GIGYF2: variants seen among roughly 807,000 people sequenced by gnomAD.
GIGYF2 encodes the protein GRB10-interacting GYF protein 2.
A neutral mutation model predicts 208.1 loss-of-function variants in GIGYF2; 25 were observed. The observed-to-expected ratio is 0.12, with a 90% confidence interval of 0.09 to 0.17. The LOEUF is 0.17. Ranked by LOEUF, GIGYF2 falls within the 10% of genes least tolerant of loss-of-function variation. The probability of loss-of-function intolerance (pLI) is 1.00; values close to 1 mark genes in which losing one functional copy is unlikely to be tolerated. For synonymous variants in GIGYF2, 534 were observed against 543.8 expected, an observed-to-expected ratio of 0.98 and a Z score of 0.25; for missense variants, 1,302 against 1,579.4, an observed-to-expected ratio of 0.82 and a Z score of 2.98.
chr2:232,776,397 C>T, intron 8 of GIGYF2: 1 of 1,529,862 alleles, frequency 6.5e-7, no homozygotes. Flanking sequence ...AGTTTCTTTC[C>T]CTGTTTCCCA....
chr2:232,702,322 C>G (rs1019112230), intron 1 of GIGYF2, among the ~76,000 whole-genome samples: 6 of 151,974 alleles, frequency 3.9e-5, no homozygotes, highest in African/African-American at 1.5e-4. Flanking sequence ...ACTTGTAATC[C>G]TAGCTTCTCG....
At chr2:232,705,594 AG>A (rs2106246441) in intron 2 of GIGYF2, 1 of 151,890 alleles carries the variant, frequency 6.6e-6, no homozygotes, top group South Asian at 2.1e-4. Context: ...TAGTAGAGAC[AG>A]GGTTTCTCCA....
chr2:232,791,608 C>T (rs970320481), intron 12 of GIGYF2, among the ~76,000 whole-genome samples, 162 bp downstream of exon 12: 3 of 152,178 alleles, frequency 2.0e-5, no homozygotes, highest in Non-Finnish European at 2.9e-5. Context: ...GTGCTTCTCA[C>T]GTATGTGTCC....
chr2:232,770,877 T>C (rs1699217131), intron 8 of GIGYF2: 1 of 1,563,430 alleles, frequency 6.4e-7, no homozygotes, highest in Non-Finnish European at 8.8e-7. Context: ...TGTTTTTGTT[T>C]TTTTTAAGAA....
Position 232,851,354 on chromosome 2 carries a change from T to G in GIGYF2, c.3832+945T>G, listed in dbSNP as rs117818238. 5.5e-4 allele frequency among the ~76,000 whole-genome samples: 83 copies of G among 152,238 alleles called. 1 individual carries two copies. In the East Asian group the frequency reaches 0.015, roughly 28 times the overall value. ...TGGCAGAAAGGATGGGGAATATTGT[T>G]TCAGGAATAACAAACAGTATAGGCT... On this transcript the variant is annotated intron_variant, in intron 28 of 28. Coordinates refer to ENST00000373563, the MANE Select transcript of GIGYF2 (RefSeq NM_001103146.3).
chr2:232,781,352 T>TCCCA (rs1699718318), intron 8 of GIGYF2, among the ~76,000 whole-genome samples: 1 of 106,684 alleles, frequency 9.4e-6, no homozygotes, highest in Non-Finnish European at 1.9e-5. Context: ...TCCTTGGCAC[T>TCCCA]CCCACCCACC....
At chr2:232,724,433 T>C (rs1350976428) in intron 2 of GIGYF2, 3 of 152,190 alleles carry the variant, frequency 2.0e-5, no homozygotes, top group Admixed American at 6.5e-5. Flanking sequence ...CCTCACTCCA[T>C]TGAAATCTGG....
chr2:232,790,257 A>G (rs1348657278), intron 9 of GIGYF2, among the ~76,000 whole-genome samples: 1 of 152,146 alleles, frequency 6.6e-6, no homozygotes, highest in Non-Finnish European at 1.5e-5. Flanking sequence ...TCCACAAACA[A>G]TGATATTTTC....
chr2:232,828,609 T>C (rs1701323544), intron 21 of GIGYF2: 1 of 152,158 alleles, frequency 6.6e-6, no homozygotes, highest in African/African-American at 2.4e-5. Flanking sequence ...TATACCACCA[T>C]GCATGGCTAA....
chr2:232,832,620 A>G (rs999455780), intron 21 of GIGYF2, among the ~76,000 whole-genome samples: 1 of 152,228 alleles, frequency 6.6e-6, no homozygotes, highest in Non-Finnish European at 1.5e-5. Flanking sequence ...TTGACTGCAC[A>G]TGTTTAAAAT....
chr2:232,789,480 C>CT (rs776465225), intron 9 of GIGYF2, among the ~76,000 whole-genome samples: 3 of 152,164 alleles, frequency 2.0e-5, no homozygotes, highest in Non-Finnish European at 2.9e-5. Flanking sequence ...CGTAAGCAGT[C>CT]TGAGTATAAA....
intron 8 of GIGYF2, chr2:232,768,252 A>T: frequency 2.5e-6 from 4 of 1,614,004 alleles, no homozygotes; most frequent in Non-Finnish European, 3.4e-6. Flanking sequence ...ATTGATGTGG[A>T]TATCCAGGTC....
chr2:232,799,830 G>A (rs1574899163), intron 14 of GIGYF2, among the ~76,000 whole-genome samples: 1 of 152,178 alleles, frequency 6.6e-6, no homozygotes, highest in East Asian at 1.9e-4. Flanking sequence ...ATGGGTGTGA[G>A]GTGGTATTTC....
At chr2:232,769,185 G>T (rs1699113041) in intron 8 of GIGYF2, among the ~76,000 whole-genome samples, 1 of 152,134 alleles carries the variant, frequency 6.6e-6, no homozygotes, top group South Asian at 2.1e-4. Flanking sequence ...CGTTGAAGTA[G>T]AGACTAGGTT....
intron 8 of GIGYF2, among the ~76,000 whole-genome samples, chr2:232,775,545 A>C (rs1239778696): frequency 6.6e-6 from 1 of 152,164 alleles, no homozygotes; most frequent in Non-Finnish European, 1.5e-5. Flanking sequence ...TCCCAATAGA[A>C]AGTGAGGTGG....
intron 2 of GIGYF2, among the ~76,000 whole-genome samples, chr2:232,734,109 CTTT>C (rs35593823): frequency 2.6e-4 from 32 of 122,456 alleles, no homozygotes; most frequent in African/African-American, 5.7e-4. Context: ...TATTTTAAAA[CTTT>C]TTTTTTTTTT....
intron 21 of GIGYF2, among the ~76,000 whole-genome samples, chr2:232,829,757 CTTTTGACCACCA>C (rs2106405933): frequency 6.6e-6 from 1 of 152,308 alleles, no homozygotes; most frequent in Non-Finnish European, 1.5e-5. Flanking sequence ...AGAACTCTCT[CTTTTGACCACCA>C]AAACTGCTAG....
At chr2:232,716,870 A>G (rs1004384535) in intron 2 of GIGYF2, among the ~76,000 whole-genome samples, 1 of 151,862 alleles carries the variant, frequency 6.6e-6, no homozygotes, top group Non-Finnish European at 1.5e-5. Flanking sequence ...CAGTGTCATG[A>G]TCACAGCTCA....
At chr2:232,809,043 C>T (rs901755598) in intron 15 of GIGYF2, among the ~76,000 whole-genome samples, 1 of 152,146 alleles carries the variant, frequency 6.6e-6, no homozygotes, top group Admixed American at 6.5e-5. Context: ...CTCCCAGGTT[C>T]AAGTGATTCT....
Sources: allele counts gnomAD v4.1 joint callset (sites outside exome capture counted in the v4.1 genomes callset), GRCh38; gene constraint gnomAD v4.1.1; transcripts MANE v1.5; gene names NCBI Gene and HGNC (gene_info 2026-07-23, HGNC 2026-07-21).